The following OPCML variants were observed in gnomAD, a reference collection of about 807,000 sequenced individuals.
OPCML encodes the protein opioid binding protein/cell adhesion molecule like.
A neutral mutation model predicts 37.8 loss-of-function variants in OPCML; 13 were observed. The ratio of observed to expected loss-of-function variants is 0.34; its 90% CI spans 0.22 to 0.55. The LOEUF (loss-of-function observed/expected upper bound fraction) is 0.55, where lower values mean the gene tolerates loss of function less well. Among genes scored for constraint, OPCML ranks in the 20% least tolerant of loss-of-function variants. The pLI is 0.91. For missense variants in OPCML, 341 were observed against 435.6 expected (o/e 0.78, Z 1.93); for synonymous variants, 176 against 168.8 (o/e 1.04, Z -0.33).
intron 1 of OPCML, among the ~76,000 whole-genome samples, chr11:133,037,760 GC>G (rs1266168247): frequency 6.6e-6 from 1 of 152,198 alleles, no homozygotes; most frequent in African/African-American, 2.4e-5. Context: ...TCAAAGAAGA[GC>G]AAGCTCATCA....
At chr11:132,687,033 A>AG (rs1555174475) in intron 2 of OPCML, among the ~76,000 whole-genome samples, 1 of 149,426 alleles carries the variant, frequency 6.7e-6, no homozygotes, top group Non-Finnish European at 1.5e-5. Flanking sequence ...AAGTCACACA[A>AG]TATTGTAGGG....
chr11:132,659,583 A>G (rs528286918), intron 2 of OPCML, among the ~76,000 whole-genome samples: 1 of 152,316 alleles, frequency 6.6e-6, no homozygotes, highest in African/African-American at 2.4e-5. Flanking sequence ...TTGCTTAGTT[A>G]TGTAACCCCT....
chr11:133,252,139 C>T (rs1011584756), intron 1 of OPCML, among the ~76,000 whole-genome samples: 1 of 152,128 alleles, frequency 6.6e-6, no homozygotes, highest in Admixed American at 6.5e-5. Context: ...ATATTAGGCA[C>T]CAGCAAGGTT....
chr11:133,508,678 G>A (rs182889326), intron 1 of OPCML, among the ~76,000 whole-genome samples: 1 of 152,332 alleles, frequency 6.6e-6, no homozygotes, highest in East Asian at 1.9e-4. Flanking sequence ...GCAAGTAATT[G>A]TGAAAGGATC....
At chr11:133,037,417 C>T (rs1477358171) in intron 1 of OPCML, among the ~76,000 whole-genome samples, 1 of 152,166 alleles carries the variant, frequency 6.6e-6, no homozygotes, top group Non-Finnish European at 1.5e-5. Flanking sequence ...CAGAGTCTTT[C>T]AAAGTGGATT....
At chr11:132,568,101 C>T (rs2096428669) in intron 3 of OPCML, among the ~76,000 whole-genome samples, 1 of 151,766 alleles carries the variant, frequency 6.6e-6, no homozygotes, top group African/African-American at 2.4e-5. Context: ...AAAAACTTTC[C>T]TATTAAGCAC....
intron 2 of OPCML, among the ~76,000 whole-genome samples, chr11:132,709,184 A>G (rs951051364): frequency 5.9e-5 from 9 of 152,164 alleles, no homozygotes; most frequent in Admixed American, 5.9e-4. Flanking sequence ...CACTTGCCTA[A>G]TGGAAACATG....
intron 3 of OPCML, among the ~76,000 whole-genome samples, chr11:132,587,501 C>A (rs867284198): frequency 1.3e-5 from 2 of 152,200 alleles, no homozygotes; most frequent in Non-Finnish European, 1.5e-5. Context: ...ATCACGACTG[C>A]AAATGTGCCT....
intron 1 of OPCML, among the ~76,000 whole-genome samples, chr11:133,488,700 T>C (rs1947586147): frequency 6.6e-6 from 1 of 152,120 alleles, no homozygotes; most frequent in Admixed American, 6.6e-5. Flanking sequence ...CAATGTCATT[T>C]TTCGCAGAAT....
intron 1 of OPCML, among the ~76,000 whole-genome samples, chr11:133,151,012 T>C (rs913554784): frequency 6.6e-6 from 1 of 151,958 alleles, no homozygotes; most frequent in Non-Finnish European, 1.5e-5. Context: ...CGGTGGCTCA[T>C]GCCTGTAATC....
intron 1 of OPCML, chr11:133,009,127 G>A (rs1385563502): frequency 2.0e-6 from 2 of 985,280 alleles, no homozygotes; most frequent in Non-Finnish European, 2.4e-6. Context: ...ATTTAACAGA[G>A]AACACTGATT....
At position 133,233,783 on chromosome 11, in the gene OPCML, T is replaced by C. The variant is rs573978243; in HGVS notation, c.62-290773A>G. On this transcript the variant is annotated intron_variant, in intron 1 of 7. Transcript: ENST00000524381. Reference sequence around the variant, plus strand: ...ATAAAATTTGCATGCTTTTCTCCTGTTAATCTGTCTTTTGTCAGCATCATC... The same window carrying C: ...ATAAAATTTGCATGCTTTTCTCCTGCTAATCTGTCTTTTGTCAGCATCATC... Among the ~76,000 whole-genome samples the C allele has an allele frequency of 1.4e-3, 216 of 152,308 alleles. 5 individuals carry two copies. Among genetic ancestry groups the C allele is most frequent in the Middle Eastern group, 0.01 (3 of 292 alleles).
intron 1 of OPCML, among the ~76,000 whole-genome samples, chr11:133,025,692 A>C (rs1947540728): frequency 6.8e-6 from 1 of 147,916 alleles, no homozygotes; most frequent in African/African-American, 2.5e-5. Context: ...AGTAGTTGAG[A>C]TTATGGGCAT....
At chr11:132,860,305 G>A (rs1370311574) in intron 2 of OPCML, among the ~76,000 whole-genome samples, 2 of 152,202 alleles carry the variant, frequency 1.3e-5, no homozygotes, top group African/African-American at 4.8e-5. Context: ...CAAAGGCCTG[G>A]AGGGCCAGTT....
chr11:133,496,282 A>G lies in OPCML; in HGVS notation c.61+35982T>C, dbSNP rs554399368. ...ATGTGCCTATTTTTATACCAGTACC[A>G]CACTGTTTTGCTGACTATGGCCTAA... is the stretch of plus-strand genomic sequence containing the variant. On this transcript the variant is annotated intron_variant, in intron 1 of 7. Coordinates refer to ENST00000524381, the MANE Select transcript of OPCML (RefSeq NM_001012393.5). 9.2e-5 allele frequency among the ~76,000 whole-genome samples: 14 copies of G among 152,278 alleles called. No individual in the cohort carries two copies. The East Asian group carries it at 2.7e-3, about 29-fold the overall frequency.
At position 132,910,259 on chromosome 11, in the gene OPCML, T is replaced by TA. The variant is rs1944383790; in HGVS notation, c.146+32666dup. Among the ~76,000 whole-genome samples, 3 of 138,354 alleles carry TA rather than the reference T, an allele frequency of 2.2e-5. No homozygotes were observed. The South Asian group carries it at 7.2e-4, about 33-fold the overall frequency. 90.8% of individuals were successfully genotyped at this position (138,354 alleles called of 152,430 possible). ...GGCAGTGGTACAGCAGGGCTGGGGG[T>TA]AGGGGGCCTCAGCACATATTCGCCG... is the stretch of plus-strand genomic sequence containing the variant. On this transcript the variant is annotated intron_variant, in intron 2 of 7. Transcript: ENST00000524381.
At chr11:132,825,793 G>T (rs531791796) in intron 2 of OPCML, among the ~76,000 whole-genome samples, 42 of 152,336 alleles carry the variant, frequency 2.8e-4, no homozygotes, top group Admixed American at 1.2e-3. Flanking sequence ...GAAGGGAAAA[G>T]TTCCAGTAGA....
chr11:133,026,271 T>C (rs1947553024), intron 1 of OPCML: 1 of 752,728 alleles, frequency 1.3e-6, no homozygotes. Flanking sequence ...TGCATACATG[T>C]AAAAAATGGT....
intron 4 of OPCML, among the ~76,000 whole-genome samples, chr11:132,473,934 A>G (rs978868754): frequency 1.3e-5 from 2 of 152,202 alleles, no homozygotes; most frequent in Non-Finnish European, 2.9e-5. Flanking sequence ...TAGAGAAATT[A>G]ACAGCACTCT....
Sources: allele counts gnomAD v4.1 joint callset (sites outside exome capture counted in the v4.1 genomes callset), GRCh38; gene constraint gnomAD v4.1.1; transcripts MANE v1.5; gene names NCBI Gene and HGNC (gene_info 2026-07-23, HGNC 2026-07-21).